Variants in ELP4 observed in about 807,000 individuals in gnomAD.
ELP4 encodes elongator acetyltransferase complex subunit 4.
A neutral mutation model predicts 48.9 loss-of-function variants in ELP4; 51 were observed. The ratio of observed to expected loss-of-function variants is 1.04; its 90% CI spans 0.83 to 1.32. ELP4 has a LOEUF of 1.32. Among genes scored for constraint, ELP4 ranks in the 40% most tolerant of loss-of-function variants. ELP4 has a pLI of 0.00. For synonymous variants in ELP4, 210 were observed against 189.2 expected, an observed-to-expected ratio of 1.11 and a Z score of -0.90; for missense variants, 519 against 514.6, an observed-to-expected ratio of 1.01 and a Z score of -0.08.
At chr11:31,761,660 GA>G (rs1278452910) in intron 9 of ELP4, among the ~76,000 whole-genome samples, 2 of 152,148 alleles carry the variant, frequency 1.3e-5, no homozygotes, top group African/African-American at 4.8e-5. Flanking sequence ...ATTGAAATGA[GA>G]ACATAAGTTC....
chr11:31,576,151 A>G (rs549066697), intron 3 of ELP4, among the ~76,000 whole-genome samples: 247 of 152,354 alleles, frequency 1.6e-3, no homozygotes, highest in Admixed American at 2.9e-3. Flanking sequence ...CTAGTCTCTG[A>G]TAAAACAGAC....
At chr11:31,571,947 G>A (rs1354752561) in intron 3 of ELP4, among the ~76,000 whole-genome samples, 1 of 152,124 alleles carries the variant, frequency 6.6e-6, no homozygotes, top group African/African-American at 2.4e-5. Context: ...AATTCTTAAG[G>A]GCCCTAGGAT....
chr11:31,631,158 G>GA (rs1944852768), intron 6 of ELP4, among the ~76,000 whole-genome samples: 1 of 151,800 alleles, frequency 6.6e-6, no homozygotes, highest in Admixed American at 6.6e-5. Flanking sequence ...GCTTGAAAAA[G>GA]AAATACACAA....
chr11:31,606,969 T>C (rs1436789477), intron 5 of ELP4, among the ~76,000 whole-genome samples: 1 of 152,148 alleles, frequency 6.6e-6, no homozygotes, highest in African/African-American at 2.4e-5. Context: ...CTTTGGGAAG[T>C]AATTAGGTTT....
intron 3 of ELP4, among the ~76,000 whole-genome samples, chr11:31,551,946 AATAAT>A (rs1404627143): frequency 1.3e-5 from 2 of 152,146 alleles, no homozygotes; most frequent in African/African-American, 4.8e-5. Context: ...TAGTAACAAA[AATAAT>A]AATAATCAAA....
At chr11:31,735,991 G>T (rs575468268) in intron 9 of ELP4, among the ~76,000 whole-genome samples, 166 of 152,130 alleles carry the variant, frequency 1.1e-3, no homozygotes, top group African/African-American at 3.9e-3. Context: ...AGTTCATATG[G>T]AACCAAAAAA....
chr11:31,553,454 T>G (rs1254714526), intron 3 of ELP4, among the ~76,000 whole-genome samples: 1 of 152,046 alleles, frequency 6.6e-6, no homozygotes, highest in East Asian at 1.9e-4. Context: ...AGAGAAATTT[T>G]CCTGCCTGTT....
At chr11:31,597,596 AC>A (rs5790860) in intron 4 of ELP4, among the ~76,000 whole-genome samples, 54,202 of 151,968 alleles carry the variant, frequency 0.36, 11,619 homozygotes, top group East Asian at 0.63. Flanking sequence ...TCAGTAATGA[AC>A]CTAAACTCTA....
intron 7 of ELP4, 164 bp downstream of exon 7, chr11:31,632,569 T>C (rs979089591): frequency 2.0e-6 from 1 of 495,916 alleles, no homozygotes; most frequent in East Asian, 3.2e-5. Flanking sequence ...CATTTTTTTA[T>C]TGATAGTCTC....
chr11:31,668,322 C>G (rs181818199), intron 9 of ELP4, among the ~76,000 whole-genome samples: 1 of 152,096 alleles, frequency 6.6e-6, no homozygotes, highest in African/African-American at 2.4e-5. Context: ...TGAAAAATGC[C>G]TTAACACCAT....
chr11:31,696,328 C>T (rs190028069), intron 9 of ELP4, among the ~76,000 whole-genome samples: 7 of 152,304 alleles, frequency 4.6e-5, no homozygotes, highest in South Asian at 2.1e-4. Context: ...GCCCTCTACA[C>T]ACTGCTTTAA....
chr11:31,749,620 T>TTTCCTTGTA (rs1240374642), intron 9 of ELP4, among the ~76,000 whole-genome samples: 2 of 152,222 alleles, frequency 1.3e-5, no homozygotes, highest in African/African-American at 4.8e-5. Flanking sequence ...TTTAAAGGCT[T>TTTCCTTGTA]TTCCTTGTAT....
At chr11:31,641,310 A>G (rs1592183479) in intron 7 of ELP4, among the ~76,000 whole-genome samples, 1 of 151,640 alleles carries the variant, frequency 6.6e-6, no homozygotes, top group African/African-American at 2.4e-5. Context: ...GCAGAGCCTG[A>G]GAAAGAGATT....
intron 3 of ELP4, among the ~76,000 whole-genome samples, chr11:31,573,038 G>A (rs1174084899): frequency 6.6e-6 from 1 of 151,978 alleles, no homozygotes; most frequent in Admixed American, 6.6e-5. Context: ...GAGAGAAGGG[G>A]GCAGGAGGAG....
intron 9 of ELP4, chr11:31,653,756 A>T (rs1945371833): frequency 6.6e-6 from 1 of 151,822 alleles, no homozygotes; most frequent in Admixed American, 6.6e-5. Context: ...ACCCGTACAC[A>T]CTGTGTTCTT....
At chr11:31,661,098 C>A (rs1284386146) in intron 9 of ELP4, among the ~76,000 whole-genome samples, 1 of 151,880 alleles carries the variant, frequency 6.6e-6, no homozygotes. Context: ...TTTCTAGATT[C>A]TTCTCTCTAT....
intron 3 of ELP4, among the ~76,000 whole-genome samples, chr11:31,565,932 G>A (rs879512434): frequency 7.2e-5 from 11 of 152,120 alleles, no homozygotes; most frequent in Non-Finnish European, 1.3e-4. Context: ...AGCTTGATGG[G>A]GATGGCATTG....
rs149823111 is a variant in ELP4, at chr11:31,519,957, A to G, written c.224-99A>G. 2.9e-3 allele frequency: 3,236 copies of G among 1,098,972 alleles called. 54 individuals carry two copies. Among genetic ancestry groups the G allele is most frequent in the Non-Finnish European group, 5.6e-4 (419 of 742,934 alleles). 68.1% of individuals were successfully genotyped at this position (1,098,972 alleles called of 1,614,324 possible). ...AAATGTTGTTCACAACTACTGTTTT[A>G]AAGTTATTGAAGTGCCTTTCCTTCA... On this transcript the variant is annotated intron_variant, in intron 1 of 9. Transcript: ENST00000640961.
intron 9 of ELP4, among the ~76,000 whole-genome samples, chr11:31,689,018 A>C (rs1487798631): frequency 6.6e-6 from 1 of 152,200 alleles, no homozygotes; most frequent in Non-Finnish European, 1.5e-5. Context: ...TCTATGGCAC[A>C]TAAGCACCTT....
Sources: gnomAD v4.1 joint callset for allele counts (sites outside exome capture counted in the v4.1 genomes callset) on GRCh38, gnomAD v4.1.1 for gene constraint, MANE v1.5 for transcripts, NCBI Gene and HGNC (gene_info 2026-07-23, HGNC 2026-07-21) for gene names.